Variants in ZIC1 observed in about 807,000 individuals in gnomAD.
ZIC1 encodes Zic family zinc finger 1.
A neutral mutation model predicts 30.9 loss-of-function variants in ZIC1; 4 were observed. The ratio of observed to expected loss-of-function variants is 0.13; its 90% CI spans 0.06 to 0.30. The LOEUF is 0.30. Ranked by LOEUF, ZIC1 falls within the 10% of genes least tolerant of loss-of-function variation. The pLI is 1.00. For missense variants in ZIC1, 441 were observed against 639.3 expected (o/e 0.69, Z 3.34); for synonymous variants, 305 against 277.5 (o/e 1.10, Z -0.98).
rs2087348019 is a variant in ZIC1, at chr3:147,409,884, C to T, written c.-229C>T. Reference sequence around the variant, plus strand: ...CGGGCGCTGGAGCCTGCGTTACTCGCGGCCCGCAGCCGTCCGGCTACTTTG... The same window carrying T: ...CGGGCGCTGGAGCCTGCGTTACTCGTGGCCCGCAGCCGTCCGGCTACTTTG... On this transcript the variant is annotated 5_prime_UTR_variant, in exon 1 of 3. Coordinates refer to ENST00000282928, the MANE Select transcript of ZIC1 (RefSeq NM_003412.4). The T allele has an allele frequency of 5.8e-6, 3 of 518,236 alleles. No homozygotes were observed. Among genetic ancestry groups the T allele is most frequent in the Non-Finnish European group, 1.0e-5 (3 of 300,998 alleles). The allele number at this position is 518,236 out of a possible 1,614,324, so 32.1% of individuals were successfully genotyped here. A position where few individuals can be genotyped will look rare whatever the true frequency, so the allele number is the denominator to read the frequency against.
chr3:147,410,846 C>T lies in ZIC1; in HGVS notation c.734C>T (p.Thr245Ile), dbSNP rs138460634. 1 of 1,614,266 alleles carries T rather than the reference C, an allele frequency of 6.2e-7. No individual in the cohort carries two copies. Among genetic ancestry groups the T allele is most frequent in the Non-Finnish European group, 8.5e-7 (1 of 1,180,046 alleles). Residue 245 changes from threonine (T) to isoleucine (I), a missense_variant, in exon 1 of 3, where the codon ACT becomes ATT. Around this residue, in one of 5 missense-constraint regions of ZIC1, gnomAD observed 33 missense variants for 66.5 expected, o/e 0.50. Coordinates refer to ENST00000282928, the MANE Select transcript of ZIC1 (RefSeq NM_003412.4). ...AACCCCAAAAAGTCGTGCAACAAAA[C>T]TTTCAGCACCATGCACGAGCTAGTT... ...LANPKKSCNK[T>I]FSTMHELVTH...
intron 2 of ZIC1, 63 bp from the exon 3 acceptor site, chr3:147,413,291 C>CCT: frequency 6.4e-7 from 1 of 1,556,482 alleles, no homozygotes; most frequent in Non-Finnish European, 8.7e-7. Flanking sequence ...GCGGCCTTCG[C>CCT]CTCTCTAGTC....
Position 147,410,994 on chromosome 3 carries a change from C to G in ZIC1, c.882C>G (p.Arg294=), listed in dbSNP as rs1276326202. Residue 294 remains arginine (R), a synonymous_variant, in exon 1 of 3, where the codon CGC becomes CGG. Coordinates refer to ENST00000282928, the MANE Select transcript of ZIC1 (RefSeq NM_003412.4). ...AATACAAACTGGTTAACCACATCCG[C>G]GTGCACACGGGCGAGAAGCCCTTTC... ...KAKYKLVNHI[R]VHTGEKPFPC... 1 of 1,614,248 alleles carries G rather than the reference C, an allele frequency of 6.2e-7. No individual in the cohort carries two copies.
rs370422002 is a variant in ZIC1 at position 147,409,734 on chromosome 3, G to T, written c.-379G>T. The T allele has an allele frequency of 4.3e-6, 1 of 233,924 alleles. No individual in the cohort carries two copies. 14.5% of individuals were successfully genotyped at this position (233,924 alleles called of 1,614,324 possible). A position where few individuals can be genotyped will look rare whatever the true frequency, so the allele number is the denominator to read the frequency against. On this transcript the variant is annotated 5_prime_UTR_variant, in exon 1 of 3. The change creates a premature stop within an existing upstream ORF in the 5' untranslated region. Transcript: ENST00000282928. ...ACATTCCTCTATGCTACAAATCCAG[G>T]AGGAAGTTTTTTTTTAGGGGGCTGA...
At position 147,411,075 on chromosome 3, in the gene ZIC1, C is replaced by A. The variant is rs771331502; in HGVS notation, c.963C>A (p.Ile321=). Residue 321 remains isoleucine, a synonymous_variant, in exon 1 of 3, where the codon ATC becomes ATA. Coordinates refer to ENST00000282928, the MANE Select transcript of ZIC1 (RefSeq NM_003412.4). ...TCGCGCGCTCCGAGAATTTAAAGATCCACAAAAGGACGCACACAGGTACGG... is the reference window on the plus strand; with the variant it reads ...TCGCGCGCTCCGAGAATTTAAAGATACACAAAAGGACGCACACAGGTACGG... ...KVFARSENLK[I]HKRTHTGEKP... 3 of 1,613,566 alleles carry A rather than the reference C, an allele frequency of 1.9e-6. No individual in the cohort carries two copies. Among genetic ancestry groups the A allele is most frequent in the Non-Finnish European group, 2.5e-6 (3 of 1,179,694 alleles).
chr3:147,410,755 C>A lies in ZIC1; in HGVS notation c.643C>A (p.Arg215Ser). Reference sequence around the variant, plus strand: ...GCATCACGGCGCCGGCGCCTTCTTCCGCTACATGCGCCAACCCATCAAGCA... The same window carrying A: ...GCATCACGGCGCCGGCGCCTTCTTCAGCTACATGCGCCAACCCATCAAGCA... Reference protein sequence around the residue: ...AAHHGAGAFFRYMRQPIKQEL... With the variant: ...AAHHGAGAFFSYMRQPIKQEL... The change falls in exon 1 of 3, where the codon CGC becomes AGC. Residue 215 changes from arginine (R) to serine (S), a missense_variant. Around this residue, in one of 5 missense-constraint regions of ZIC1, gnomAD observed 307 missense variants for 355.3 expected, o/e 0.86. Transcript: ENST00000282928. The A allele has an allele frequency of 6.2e-7, 1 of 1,614,212 alleles. No individual in the cohort carries two copies. Among genetic ancestry groups the A allele is most frequent in the Non-Finnish European group, 8.5e-7 (1 of 1,180,020 alleles).
intron 1 of ZIC1, among the ~76,000 whole-genome samples, chr3:147,411,891 G>C (rs1339963351): frequency 6.6e-6 from 1 of 152,042 alleles, no homozygotes; most frequent in Non-Finnish European, 1.5e-5. Context: ...AACATTCTGG[G>C]CCCCCTGCCC....
In ZIC1 at chr3:147,410,480, C is replaced by T. The variant is rs1454459389; in HGVS notation, c.368C>T (p.Ala123Val). The change falls in exon 1 of 3, where the codon GCA becomes GTA. Residue 123 changes from alanine to valine, a missense_variant. Physicochemically the swap from Ala to Val is moderately conservative, Grantham distance 64. Coordinates refer to ENST00000282928, the MANE Select transcript of ZIC1 (RefSeq NM_003412.4). Reference protein sequence around the residue: ...AASAQHSLFAASAGGFGGPHG... With the variant: ...AASAQHSLFAVSAGGFGGPHG... The stretch of plus-strand genomic sequence containing the variant: ...AGCGCACAGCACAGCCTCTTTGCTG[C>T]ATCGGCCGGGGGCTTCGGGGGCCCA... The T allele has an allele frequency of 1.2e-6, 2 of 1,606,260 alleles. No individual in the cohort carries two copies. Among genetic ancestry groups the T allele is most frequent in the Non-Finnish European group, 1.7e-6 (2 of 1,179,038 alleles).
chr3:147,413,210 G>A (rs2087397392), intron 2 of ZIC1, 144 bp from the exon 3 acceptor site: 1 of 854,278 alleles, frequency 1.2e-6, no homozygotes. Flanking sequence ...GAGAAACCAA[G>A]CCCAAAGTCC....
At chr3:147,412,408 T>A in intron 1 of ZIC1, 110 bp from the exon 2 acceptor site, 1 of 1,347,254 alleles carries the variant, frequency 7.4e-7, no homozygotes, top group South Asian at 1.3e-5. Context: ...AAAGTGCTAA[T>A]CCTGGGCTGC....
intron 1 of ZIC1, among the ~76,000 whole-genome samples, chr3:147,411,828 TAAAA>T (rs199986242): frequency 6.9e-6 from 1 of 144,416 alleles, no homozygotes; most frequent in Non-Finnish European, 1.5e-5. Context: ...CCGGAACAGT[TAAAA>T]AAAAAAAAAG....
Position 147,409,740 on chromosome 3 carries a change from G to GTT in ZIC1, c.-365_-364dup. The GTT allele has an allele frequency of 8.4e-6, 2 of 238,578 alleles. No homozygotes were observed. The highest frequency in any genetic ancestry group is 1.6e-5 in the Non-Finnish European group (2 of 124,544). The allele number at this position is 238,578 out of a possible 1,614,324, so 14.8% of individuals were successfully genotyped here. ...CTCTATGCTACAAATCCAGGAGGAA[G>GTT]TTTTTTTTTAGGGGGCTGAGATGCT... On this transcript the variant is annotated 5_prime_UTR_variant, in exon 1 of 3. The change abolishes the stop of an existing upstream ORF in the 5' untranslated region. Coordinates refer to ENST00000282928, the MANE Select transcript of ZIC1 (RefSeq NM_003412.4).
rs762992636 is a variant in ZIC1 at position 147,412,532 on chromosome 3, A to C, written c.997A>C (p.Lys333Gln). The stretch of plus-strand genomic sequence containing the variant: ...TTTGGCACCAGGGGAGAAGCCCTTC[A>C]AGTGCGAGTTTGAGGGCTGTGACCG... The part of the protein sequence containing the change: ...KRTHTGEKPF[K>Q]CEFEGCDRRF... The change falls in exon 2 of 3, where the codon AAG becomes CAG. Residue 333 changes from lysine to glutamine, a missense_variant. Transcript: ENST00000282928. The C allele has an allele frequency of 6.2e-7, 1 of 1,614,016 alleles. No individual in the cohort carries two copies.
chr3:147,413,521 C>G lies in ZIC1; in HGVS notation c.1314C>G (p.Leu438=), dbSNP rs753507757. ...AVHHTAGHSA[L]SSNFNEWYV is the part of the protein sequence containing the mutation. The stretch of plus-strand genomic sequence containing the variant: ...ACCACACAGCCGGCCACAGTGCGCT[C>G]TCTTCCAATTTTAACGAATGGTACG... The change falls in exon 3 of 3, where the codon CTC becomes CTG. Residue 438 remains leucine (L), a synonymous_variant. Transcript: ENST00000282928. 3 of 1,614,152 alleles carry G rather than the reference C, an allele frequency of 1.9e-6. No homozygotes were observed. Among genetic ancestry groups the G allele is most frequent in the Non-Finnish European group, 8.5e-7 (1 of 1,180,024 alleles).
At chr3:147,411,202 G>T (rs908033989) in intron 1 of ZIC1, 108 bp downstream of exon 1, 143 of 1,457,654 alleles carry the variant, frequency 9.8e-5, no homozygotes, top group Admixed American at 1.7e-4. Context: ...GATCCCGGGC[G>T]TCAGGTTCCG....
At chr3:147,411,203 T>A in intron 1 of ZIC1, 109 bp downstream of exon 1, 1 of 1,459,444 alleles carries the variant, frequency 6.9e-7, no homozygotes, top group Non-Finnish European at 9.1e-7. Flanking sequence ...ATCCCGGGCG[T>A]CAGGTTCCGG....
chr3:147,412,010 C>A (rs943677220), intron 1 of ZIC1, among the ~76,000 whole-genome samples: 2 of 151,898 alleles, frequency 1.3e-5, no homozygotes, highest in Non-Finnish European at 2.9e-5. Context: ...GAAGAATTTG[C>A]GGCGTTGAGT....
Position 147,410,304 on chromosome 3 carries a change from C to G in ZIC1, c.192C>G (p.Phe64Leu). ...HELASAGQTA[F>L]TSQAPGYAAA... ...TGGCTTCGGCCGGCCAGACGGCCTT[C>G]ACGTCGCAGGCGCCAGGCTACGCGG... is the stretch of plus-strand genomic sequence containing the variant. The change falls in exon 1 of 3, where the codon TTC becomes TTG. Residue 64 changes from phenylalanine to leucine, a missense_variant. Physicochemically the swap from Phe to Leu is conservative, Grantham distance 22. Around this residue, in one of 5 missense-constraint regions of ZIC1, gnomAD observed 307 missense variants for 355.3 expected, o/e 0.86. Coordinates refer to ENST00000282928, the MANE Select transcript of ZIC1 (RefSeq NM_003412.4). 1 of 1,599,846 alleles carries G rather than the reference C, an allele frequency of 6.3e-7. No homozygotes were observed. Among genetic ancestry groups the G allele is most frequent in the Non-Finnish European group, 8.5e-7 (1 of 1,179,264 alleles).
chr3:147,410,069 G>GT lies in ZIC1; in HGVS notation c.-43dup. The GT allele has an allele frequency of 7.0e-7, 1 of 1,429,600 alleles. No homozygotes were observed. The highest frequency in any genetic ancestry group is 9.1e-7 in the Non-Finnish European group (1 of 1,099,364). The allele number at this position is 1,429,600 out of a possible 1,614,324, so 88.6% of individuals were successfully genotyped here. On this transcript the variant is annotated 5_prime_UTR_variant, in exon 1 of 3. Transcript: ENST00000282928. Reference sequence around the variant, plus strand: ...GATTTTCCCTCCTCGGCTGGCGAGGGTGGGGGGGGCGGGGGAGGCCGGGGC... The same window carrying GT: ...GATTTTCCCTCCTCGGCTGGCGAGGGTTGGGGGGGGCGGGGGAGGCCGGGGC...
Sources: allele counts gnomAD v4.1 joint callset (sites outside exome capture counted in the v4.1 genomes callset), GRCh38; gene constraint gnomAD v4.1.1; regional missense constraint gnomAD v4.1.1; transcripts MANE v1.5; gene names NCBI Gene and HGNC (gene_info 2026-07-23, HGNC 2026-07-21).